Variants in CNBD1 observed in about 807,000 individuals in gnomAD.
The protein encoded by CNBD1 is cyclic nucleotide binding domain containing 1.
Under a neutral mutation model 54.4 loss-of-function variants are expected in CNBD1, and 71 were observed. The observed-to-expected ratio is 1.30, with a 90% confidence interval of 1.08 to 1.59. The LOEUF (loss-of-function observed/expected upper bound fraction) is 1.59. CNBD1 is among the 40% of genes most tolerant of loss of function. CNBD1 has a pLI of 0.00. For missense variants in CNBD1, 659 were observed against 518.0 expected (o/e 1.27, Z -2.64); for synonymous variants, 182 against 170.7 (o/e 1.07, Z -0.51).
At chr8:87,272,096 G>T (rs1256543505) in intron 6 of CNBD1, among the ~76,000 whole-genome samples, 1 of 151,776 alleles carries the variant, frequency 6.6e-6, no homozygotes, top group Non-Finnish European at 1.5e-5. Context: ...AGAAGGGTGG[G>T]GGTGATGTGT....
chr8:87,015,579 T>C (rs1586199370), intron 4 of CNBD1, among the ~76,000 whole-genome samples: 1 of 152,294 alleles, frequency 6.6e-6, no homozygotes, highest in Non-Finnish European at 1.5e-5. Flanking sequence ...AAAGCACTAC[T>C]CTCTTTTAAA....
chr8:87,045,724 CAA>C (rs58973406), intron 4 of CNBD1, among the ~76,000 whole-genome samples: 2 of 51,064 alleles, frequency 3.9e-5, no homozygotes, highest in African/African-American at 7.8e-5. Flanking sequence ...GACTCCGTCT[CAA>C]AAAAAAAAAA....
intron 2 of CNBD1, among the ~76,000 whole-genome samples, chr8:87,415,551 C>G (rs917514922): frequency 2.6e-5 from 4 of 151,996 alleles, no homozygotes; most frequent in African/African-American, 9.7e-5. Context: ...GTTTACTCTT[C>G]TCAGTGTTGA....
chr8:87,375,234 C>T (rs772859336), intron 10 of CNBD1, among the ~76,000 whole-genome samples: 2 of 151,474 alleles, frequency 1.3e-5, no homozygotes, highest in African/African-American at 2.4e-5. Context: ...TCTCTGACAA[C>T]ACTGTTTTTA....
Position 87,237,112 on chromosome 8 carries a change from G to A in CNBD1, c.771G>A (p.Met257Ile). ...AEMYLPSYDS[M>I]LSKWSTFGTL... ...TGTACCTACCTTCATATGACTCAAT[G>A]GTAAGAGATGAGTATTTGCTTTTTC... The change falls in exon 6 of 11, where the codon ATG becomes ATA. Residue 257 changes from methionine to isoleucine, a missense_variant and splice_region_variant. Coordinates refer to ENST00000518476, the MANE Select transcript of CNBD1 (RefSeq NM_173538.3). The A allele has an allele frequency of 1.3e-6, 2 of 1,579,692 alleles. No homozygotes were observed. The highest frequency in any genetic ancestry group is 8.6e-7 in the Non-Finnish European group (1 of 1,158,290).
chr8:86,921,374 T>C (rs984292193), intron 3 of CNBD1, among the ~76,000 whole-genome samples: 5 of 152,112 alleles, frequency 3.3e-5, no homozygotes, highest in African/African-American at 1.2e-4. Flanking sequence ...ATAGTTATTG[T>C]TTTACCAATT....
downstream of CNBD1, among the ~76,000 whole-genome samples, chr8:87,387,803 A>G (rs1811222080): frequency 6.6e-6 from 1 of 152,210 alleles, no homozygotes; most frequent in African/African-American, 2.4e-5. Context: ...CAGAATATAC[A>G]TTCTTTTCAG....
At chr8:86,945,838 G>C (rs1330376483) in intron 4 of CNBD1, among the ~76,000 whole-genome samples, 1 of 152,132 alleles carries the variant, frequency 6.6e-6, no homozygotes, top group Admixed American at 6.6e-5. Flanking sequence ...ACAGTAGACT[G>C]GTATTCTAAA....
At chr8:87,392,911 A>T (rs1811337032) in intron 2 of CNBD1, among the ~76,000 whole-genome samples, 1 of 151,914 alleles carries the variant, frequency 6.6e-6, no homozygotes, top group African/African-American at 2.4e-5. Context: ...CTTATTCTAG[A>T]TGCATCAGGG....
chr8:86,969,118 C>T (rs1808161355), intron 4 of CNBD1, among the ~76,000 whole-genome samples: 1 of 152,008 alleles, frequency 6.6e-6, no homozygotes, highest in Admixed American at 6.6e-5. Flanking sequence ...AGTTTGGGGT[C>T]CCAAGATTTA....
intron 4 of CNBD1, among the ~76,000 whole-genome samples, chr8:86,972,220 G>T (rs1222004820): frequency 6.6e-6 from 1 of 152,118 alleles, no homozygotes; most frequent in Non-Finnish European, 1.5e-5. Flanking sequence ...AAAGTGCTGG[G>T]ATTACAGGCT....
At chr8:86,961,718 T>G (rs1418958091) in intron 4 of CNBD1, among the ~76,000 whole-genome samples, 1 of 152,236 alleles carries the variant, frequency 6.6e-6, no homozygotes, top group Non-Finnish European at 1.5e-5. Flanking sequence ...CCACGATCTT[T>G]GTAAGGCCAT....
intron 2 of CNBD1, among the ~76,000 whole-genome samples, chr8:86,891,489 C>T (rs4305917): frequency 2.0e-5 from 3 of 151,782 alleles, no homozygotes; most frequent in African/African-American, 4.8e-5. Context: ...ATTATACTAG[C>T]TGTATAATAT....
chr8:87,276,448 G>T (rs1319446319), intron 6 of CNBD1, among the ~76,000 whole-genome samples: 1 of 151,836 alleles, frequency 6.6e-6, no homozygotes, highest in African/African-American at 2.4e-5. Context: ...TGGTCTGGTT[G>T]CTTGTTCTGA....
At chr8:87,219,849 A>G (rs1814290861) in intron 5 of CNBD1, among the ~76,000 whole-genome samples, 1 of 151,930 alleles carries the variant, frequency 6.6e-6, no homozygotes, top group African/African-American at 2.4e-5. Flanking sequence ...TATTTTGGGT[A>G]CCCTTCACAT....
chr8:86,940,535 G>A (rs1025016620), intron 4 of CNBD1, among the ~76,000 whole-genome samples: 2 of 152,190 alleles, frequency 1.3e-5, no homozygotes, highest in Admixed American at 1.3e-4. Context: ...AAGGAGGGGT[G>A]TGGAGGAGAA....
intron 8 of CNBD1, among the ~76,000 whole-genome samples, chr8:87,297,041 G>A (rs367945121): frequency 1.3e-5 from 2 of 151,562 alleles, no homozygotes; most frequent in African/African-American, 4.8e-5. Flanking sequence ...GGCCGGGCTT[G>A]GTGGCGGGTG....
intron 4 of CNBD1, among the ~76,000 whole-genome samples, chr8:86,982,773 C>A (rs1175569316): frequency 6.6e-6 from 1 of 151,984 alleles, no homozygotes; most frequent in Admixed American, 6.6e-5. Flanking sequence ...TTTCTAAGTC[C>A]CCTCTGTCTA....
At chr8:87,305,541 T>A (rs1372936043) in intron 8 of CNBD1, among the ~76,000 whole-genome samples, 1 of 151,982 alleles carries the variant, frequency 6.6e-6, no homozygotes, top group Non-Finnish European at 1.5e-5. Context: ...CAGCATGGGA[T>A]TGGTATAAAA....
Sources: gnomAD v4.1 joint callset for allele counts (sites outside exome capture counted in the v4.1 genomes callset) on GRCh38, gnomAD v4.1.1 for gene constraint, MANE v1.5 for transcripts, NCBI Gene and HGNC (gene_info 2026-07-23, HGNC 2026-07-21) for gene names.